Variants in NTM observed in about 807,000 individuals in gnomAD.
NTM encodes neurotrimin, also known as IgLON family member 2.
Under a neutral mutation model 42.1 loss-of-function variants are expected in NTM, and 13 were observed. That is an observed-to-expected ratio of 0.31 (90% CI 0.20 to 0.49). NTM has a LOEUF of 0.49. NTM is among the 20% of genes least tolerant of loss of function. The pLI, the probability that NTM is intolerant of heterozygous loss-of-function variation, is 0.99. For missense variants in NTM, 373 were observed against 452.8 expected (o/e 0.82, Z 1.60); for synonymous variants, 187 against 179.2 (o/e 1.04, Z -0.35).
At chr11:131,972,042 CA>C (rs61627120) in intron 2 of NTM, among the ~76,000 whole-genome samples, 891 of 57,818 alleles carry the variant, frequency 0.015, 18 homozygotes, top group Middle Eastern at 0.029. Flanking sequence ...GACTCCGTCT[CA>C]AAAAAAAAAA....
intron 3 of NTM, among the ~76,000 whole-genome samples, chr11:132,159,038 G>A (rs1245749166): frequency 6.6e-6 from 1 of 152,190 alleles, no homozygotes; most frequent in Non-Finnish European, 1.5e-5. Flanking sequence ...GTTGAACAGG[G>A]AAATTAAATT....
intron 4 of NTM, among the ~76,000 whole-genome samples, chr11:132,277,267 T>C (rs1288565860): frequency 6.6e-6 from 1 of 152,212 alleles, no homozygotes; most frequent in Non-Finnish European, 1.5e-5. Context: ...TAATTTATAA[T>C]TGATTTTATC....
chr11:132,048,806 CTTTTCTT>C (rs1555232682), intron 2 of NTM, among the ~76,000 whole-genome samples: 5 of 127,486 alleles, frequency 3.9e-5, no homozygotes, highest in Non-Finnish European at 6.4e-5. Flanking sequence ...AGCTGTTTTT[CTTTTCTT>C]TTTTCTTTTT....
At chr11:132,031,439 G>A (rs1347793879) in intron 2 of NTM, among the ~76,000 whole-genome samples, 1 of 152,152 alleles carries the variant, frequency 6.6e-6, no homozygotes. Context: ...TTTGACCATG[G>A]TGTAGGAGTG....
chr11:132,144,819 A>C (rs1332223338), intron 2 of NTM, among the ~76,000 whole-genome samples: 2 of 152,172 alleles, frequency 1.3e-5, no homozygotes, highest in African/African-American at 4.8e-5. Context: ...AGCTGCAAAA[A>C]ACTTGTTGGA....
At chr11:131,379,134 C>A (rs962149544) in intron 1 of NTM, among the ~76,000 whole-genome samples, 7 of 152,226 alleles carry the variant, frequency 4.6e-5, no homozygotes, top group African/African-American at 1.7e-4. Context: ...CTGTGCCAGA[C>A]AACCCCTGAT....
intron 4 of NTM, among the ~76,000 whole-genome samples, chr11:132,243,321 T>A (rs1400141762): frequency 6.6e-6 from 1 of 152,218 alleles, no homozygotes; most frequent in Non-Finnish European, 1.5e-5. Context: ...GCAAACTCCA[T>A]GTGACTCAAC....
At chr11:132,237,369 C>T (rs1461308834) in intron 4 of NTM, among the ~76,000 whole-genome samples, 1 of 152,142 alleles carries the variant, frequency 6.6e-6, no homozygotes, top group East Asian at 1.9e-4. Context: ...TCTTTGGGAT[C>T]TCGGTACGTC....
chr11:131,516,267 A>G (rs1301167668), intron 1 of NTM, among the ~76,000 whole-genome samples: 1 of 152,242 alleles, frequency 6.6e-6, no homozygotes, highest in Non-Finnish European at 1.5e-5. Context: ...TATACATAGA[A>G]CAGATGCTTA....
chr11:131,772,934 T>C (rs1304358427), intron 1 of NTM, among the ~76,000 whole-genome samples: 1 of 152,166 alleles, frequency 6.6e-6, no homozygotes, highest in Non-Finnish European at 1.5e-5. Flanking sequence ...AGTAGACATT[T>C]TTTAGACAGA....
intron 2 of NTM, among the ~76,000 whole-genome samples, chr11:132,092,077 T>C (rs1594585865): frequency 6.6e-6 from 1 of 152,362 alleles, no homozygotes. Flanking sequence ...TGCTATGGAC[T>C]TTGTTCACAC....
intron 3 of NTM, chr11:132,211,665 A>G (rs1207663405): frequency 1.0e-5 from 2 of 197,930 alleles, no homozygotes; most frequent in Non-Finnish European, 2.0e-5. Context: ...TCAGAATTGC[A>G]TTCTTTCAAG....
intron 1 of NTM, among the ~76,000 whole-genome samples, chr11:131,625,310 C>T (rs960513248): frequency 1.3e-5 from 2 of 152,154 alleles, no homozygotes; most frequent in African/African-American, 4.8e-5. Context: ...TCTTTATGGA[C>T]CCCTCTGAGC....
At chr11:131,408,021 A>C (rs908418881) in intron 1 of NTM, among the ~76,000 whole-genome samples, 8 of 152,184 alleles carry the variant, frequency 5.3e-5, no homozygotes, top group African/African-American at 1.7e-4. Context: ...ATTATGCAAC[A>C]GTTAGTTATT....
intron 2 of NTM, among the ~76,000 whole-genome samples, chr11:132,017,331 A>C (rs1039150782): frequency 6.6e-6 from 1 of 151,942 alleles, no homozygotes; most frequent in African/African-American, 2.4e-5. Context: ...GAAAGGGTCT[A>C]CGCTCATTTT....
At chr11:132,084,331 G>A (rs2059439873) in intron 2 of NTM, among the ~76,000 whole-genome samples, 1 of 152,084 alleles carries the variant, frequency 6.6e-6, no homozygotes, top group South Asian at 2.1e-4. Flanking sequence ...ATGATTGATA[G>A]CATATACTCA....
chr11:131,568,629 T>C (rs1471808805), intron 1 of NTM, among the ~76,000 whole-genome samples: 1 of 152,118 alleles, frequency 6.6e-6, no homozygotes, highest in African/African-American at 2.4e-5. Context: ...ACACCACCAC[T>C]GAGACAATCC....
intron 2 of NTM, among the ~76,000 whole-genome samples, chr11:132,127,421 G>A (rs1006260092): frequency 6.6e-6 from 1 of 152,206 alleles, no homozygotes; most frequent in Non-Finnish European, 1.5e-5. Context: ...GGGATTCCAG[G>A]CAGTCTTGGC....
intron 2 of NTM, among the ~76,000 whole-genome samples, chr11:132,091,638 C>A (rs920325373): frequency 6.6e-6 from 1 of 151,672 alleles, no homozygotes; most frequent in African/African-American, 2.4e-5. Context: ...ACACCACACA[C>A]CTGACTATTT....
Sources: gnomAD v4.1 joint callset for allele counts (sites outside exome capture counted in the v4.1 genomes callset) on GRCh38, gnomAD v4.1.1 for gene constraint, MANE v1.5 for transcripts, NCBI Gene and HGNC (gene_info 2026-07-23, HGNC 2026-07-21) for gene names.